The following DHRS1 variants were observed in gnomAD, a reference collection of about 807,000 sequenced individuals.
The protein encoded by DHRS1 is dehydrogenase/reductase 1, also known as dehydrogenase/reductase SDR family member 1.
A neutral mutation model predicts 35.2 loss-of-function variants in DHRS1; 34 were observed. The ratio of observed to expected loss-of-function variants is 0.97; its 90% CI spans 0.74 to 1.29. The LOEUF is 1.29. DHRS1 is among the 50% of genes most tolerant of loss of function. DHRS1 has a pLI of 0.00. For synonymous variants in DHRS1, 133 were observed against 160.0 expected, an observed-to-expected ratio of 0.83 and a Z score of 1.27; for missense variants, 354 against 403.6, an observed-to-expected ratio of 0.88 and a Z score of 1.05.
intron 2 of DHRS1, 21 bp downstream of exon 2, chr14:24,298,936 G>A (rs2041313441): frequency 6.3e-7 from 1 of 1,589,342 alleles, no homozygotes; most frequent in Non-Finnish European, 8.6e-7. Flanking sequence ...CTGCAACTGT[G>A]GTCCCAGAGG....
intron 4 of DHRS1, chr14:24,293,691 T>C (rs2041201511): frequency 6.6e-6 from 1 of 152,050 alleles, no homozygotes; most frequent in Non-Finnish European, 1.5e-5. Context: ...CTGTCACCCA[T>C]ATTAAAATGC....
rs1183438440 is a variant in DHRS1 at position 24,292,294 on chromosome 14, G to T, written c.544C>A (p.Arg182=). The T allele has an allele frequency of 6.2e-7, 1 of 1,613,974 alleles. No homozygotes were observed. Among genetic ancestry groups the T allele is most frequent in the East Asian group, 2.2e-5 (1 of 44,886 alleles). The stretch of plus-strand genomic sequence containing the variant: ...GACACACAGCTGACCCCATGGCGCC[G>T]CAGCTCGTGGGCACAGTCAGCAGCC... ...KLAADCAHEL[R]RHGVSCVSLW... Residue 182 remains arginine (R), a synonymous_variant, in exon 6 of 9, where the codon CGG becomes AGG. Coordinates refer to ENST00000288111, the MANE Select transcript of DHRS1 (RefSeq NM_001136050.3).
chr14:24,298,297 C>G (rs1387897563), intron 2 of DHRS1, among the ~76,000 whole-genome samples: 2 of 152,218 alleles, frequency 1.3e-5, no homozygotes, highest in African/African-American at 4.8e-5. Context: ...AGTGATCTTG[C>G]TGCCTTGGCC....
At position 24,291,573 on chromosome 14, in the gene DHRS1, A is replaced by G. The variant is rs2041158671; in HGVS notation, c.707T>C (p.Val236Ala). 6.2e-7 allele frequency: 1 copy of G among 1,614,092 alleles called. No homozygotes were observed. Among genetic ancestry groups the G allele is most frequent in the African/African-American group, 1.3e-5 (1 of 74,926 alleles). ...AETTELSGKCVVALATDPNIL... is the reference protein window; with the variant it reads ...AETTELSGKCAVALATDPNIL... ...AACTTCACCTGTTGCCAAAGCCACC[A>G]CACATTTGCCACTCAATTCTGTGGT... is the stretch of plus-strand genomic sequence containing the variant. Residue 236 changes from valine (V) to alanine (A), a missense_variant, in exon 7 of 9, where the codon GTG (valine) becomes GCG (alanine). Physicochemically the swap from Val to Ala is moderately conservative, Grantham distance 64 (BLOSUM62 0). Coordinates refer to ENST00000288111, the MANE Select transcript of DHRS1 (RefSeq NM_001136050.3).
At chr14:24,292,151 G>A in intron 6 of DHRS1, 33 bp downstream of exon 6, 1 of 1,613,810 alleles carries the variant, frequency 6.2e-7, no homozygotes, top group East Asian at 2.2e-5. Flanking sequence ...CGACTCCCCT[G>A]TTCTCTGCTT....
chr14:24,297,075 C>G (rs1309696660), intron 2 of DHRS1, among the ~76,000 whole-genome samples, 194 bp from the exon 3 acceptor site: 3 of 152,230 alleles, frequency 2.0e-5, no homozygotes, highest in Non-Finnish European at 4.4e-5. Context: ...GCCTCCCCAC[C>G]ACAGAGCAAG....
chr14:24,292,001 T>C (rs2041165418), intron 6 of DHRS1, 183 bp downstream of exon 6: 2 of 768,908 alleles, frequency 2.6e-6, no homozygotes, highest in African/African-American at 1.7e-5. Flanking sequence ...GGTTTCAGTT[T>C]TGCCATCTGT....
In DHRS1 at chr14:24,296,546, C is replaced by G. The variant is rs966668534; in HGVS notation, c.337G>C (p.Ala113Pro). 4 of 1,614,044 alleles carry G rather than the reference C, an allele frequency of 2.5e-6. No individual in the cohort carries two copies. The African/African-American group carries it at 5.3e-5, about 22-fold the overall frequency. ...TTGTTGATATCATCCCACATGGAGGCAGGGGTTTCCCAGAATGCCTTATTC... is the reference window on the plus strand; with the variant it reads ...TTGTTGATATCATCCCACATGGAGGGAGGGGTTTCCCAGAATGCCTTATTC... ...TRNKAFWETP[A>P]SMWDDINNVG... Residue 113 changes from alanine (A) to proline (P), a missense_variant, in exon 4 of 9, where the codon GCC becomes CCC. Coordinates refer to ENST00000288111, the MANE Select transcript of DHRS1 (RefSeq NM_001136050.3).
chr14:24,291,774 G>T, intron 6 of DHRS1, 149 bp from the exon 7 acceptor site: 1 of 782,958 alleles, frequency 1.3e-6, no homozygotes, highest in Non-Finnish European at 2.2e-6. Flanking sequence ...CCAAAGTATT[G>T]GCAGGTGCCA....
At chr14:24,291,449 A>G in intron 7 of DHRS1, 107 bp downstream of exon 7, 4 of 1,282,230 alleles carry the variant, frequency 3.1e-6, no homozygotes, top group Non-Finnish European at 4.5e-6. Context: ...CAGAGAAAAG[A>G]ATGACATGTT....
At position 24,299,760 on chromosome 14, in the gene DHRS1, C is replaced by A; in HGVS notation, c.-204G>T. ...AGTCCCAGGCCAAAGTTAGAACCTG[C>A]GGATGGGGGCGGAGCGATCTGGGTG... On this transcript the variant is annotated 5_prime_UTR_variant, in exon 1 of 9. Coordinates refer to ENST00000288111, the MANE Select transcript of DHRS1 (RefSeq NM_001136050.3). 1.6e-6 allele frequency: 1 copy of A among 616,478 alleles called. No homozygotes were observed. Among genetic ancestry groups the A allele is most frequent in the Middle Eastern group, 4.6e-4 (1 of 2,188 alleles). 38.2% of individuals were successfully genotyped at this position (616,478 alleles called of 1,614,324 possible).
chr14:24,290,771 C>A lies in DHRS1; in HGVS notation c.*88G>T. 1.3e-6 allele frequency: 2 copies of A among 1,550,742 alleles called. No homozygotes were observed. The highest frequency in any genetic ancestry group is 1.8e-6 in the Non-Finnish European group (2 of 1,130,926). ...TCTTCATATCAAGGGTATGGGTAAA[C>A]AAGAAAGGCTGCTGTTTCACTGAGA... On this transcript the variant is annotated 3_prime_UTR_variant, in exon 9 of 9. Transcript: ENST00000288111.
At chr14:24,292,846 C>T (rs749516115) in intron 4 of DHRS1, 62 bp from the exon 5 acceptor site, 2 of 1,545,008 alleles carry the variant, frequency 1.3e-6, no homozygotes, top group African/African-American at 1.4e-5. Context: ...GGTGCCACAG[C>T]CTCTGGCGGC....
At chr14:24,297,695 C>T (rs1241302609) in intron 2 of DHRS1, among the ~76,000 whole-genome samples, 1 of 152,156 alleles carries the variant, frequency 6.6e-6, no homozygotes, top group African/African-American at 2.4e-5. Context: ...TCTTCCAAGA[C>T]CCACTCTTTC....
At chr14:24,294,157 A>C (rs2041208426) in intron 4 of DHRS1, 1 of 152,248 alleles carries the variant, frequency 6.6e-6, no homozygotes, top group East Asian at 1.9e-4. Context: ...ATGTGTTTAT[A>C]AACTTGAGGG....
intron 2 of DHRS1, among the ~76,000 whole-genome samples, chr14:24,298,492 A>G (rs2041301161): frequency 6.6e-6 from 1 of 152,260 alleles, no homozygotes; most frequent in Admixed American, 6.5e-5. Flanking sequence ...TGTGCAGTTC[A>G]ATAAAGTCTT....
chr14:24,292,348 G>A lies in DHRS1; in HGVS notation c.508-18C>T, dbSNP rs201954587. 1,251 of 1,613,444 alleles carry A rather than the reference G, an allele frequency of 7.8e-4. 1 individual carries two copies. The highest frequency in any genetic ancestry group is 9.7e-4 in the Non-Finnish European group (1,142 of 1,180,012). ...TTGTCACACTGTGGAGAGGCGGAAG[G>A]CAGGGTAAGAGCCACCTAGCCATGT... On this transcript the variant is annotated intron_variant, in intron 5 of 8. Coordinates refer to ENST00000288111, the MANE Select transcript of DHRS1 (RefSeq NM_001136050.3).
At position 24,296,861 on chromosome 14, in the gene DHRS1, T is replaced by C. The variant is rs150965681; in HGVS notation, c.171A>G (p.Gln57=). 2.4e-5 allele frequency: 38 copies of C among 1,614,192 alleles called. No homozygotes were observed. The highest frequency in any genetic ancestry group is 1.3e-4 in the African/African-American group (10 of 75,044). Residue 57 remains glutamine (Q), a synonymous_variant, in exon 3 of 9, where the codon CAA becomes CAG. Transcript: ENST00000288111. ...VAQEAQSLGG[Q]CVPVVCDSSQ... ...TTGAATCGCACACCACAGGCACACA[T>C]TGGCCCCCGAGGGATTGTGCCTGGA...
At chr14:24,293,614 A>G (rs1157218495) in intron 4 of DHRS1, 1 of 152,136 alleles carries the variant, frequency 6.6e-6, no homozygotes, top group African/African-American at 2.4e-5. Flanking sequence ...CAGCCAGGAA[A>G]ATTCCGAAAA....
Sources: allele counts gnomAD v4.1 joint callset (sites outside exome capture counted in the v4.1 genomes callset), GRCh38; gene constraint gnomAD v4.1.1; transcripts MANE v1.5; gene names NCBI Gene and HGNC (gene_info 2026-07-23, HGNC 2026-07-21).